The following N4BP1 variants were observed in gnomAD, a reference collection of about 807,000 sequenced individuals.
N4BP1 encodes NEDD4-binding protein 1.
A neutral mutation model predicts 70.9 loss-of-function variants in N4BP1; 21 were observed. The observed-to-expected ratio is 0.30, with a 90% CI of 0.21 to 0.43. The LOEUF (loss-of-function observed/expected upper bound fraction) is 0.43, where lower values mean the gene tolerates loss of function less well. Among genes scored for constraint, N4BP1 ranks in the 20% least tolerant of loss-of-function variants. The pLI is 1.00. For missense variants in N4BP1, 936 were observed against 1,069.4 expected (o/e 0.88, Z 1.74); for synonymous variants, 387 against 394.6 (o/e 0.98, Z 0.23).
At chr16:48,582,413 A>G (rs1408207272) in intron 1 of N4BP1, among the ~76,000 whole-genome samples, 1 of 152,214 alleles carries the variant, frequency 6.6e-6, no homozygotes, top group African/African-American at 2.4e-5. Flanking sequence ...CTTGGTTATC[A>G]GATCGACTGT....
intron 1 of N4BP1, among the ~76,000 whole-genome samples, chr16:48,608,006 C>A (rs370406026): frequency 6.6e-6 from 1 of 152,144 alleles, no homozygotes; most frequent in South Asian, 2.1e-4. Context: ...GGCCTACAGG[C>A]GCGTACCACC....
intron 1 of N4BP1, among the ~76,000 whole-genome samples, chr16:48,603,209 C>T (rs1296532401): frequency 6.6e-6 from 1 of 152,104 alleles, no homozygotes; most frequent in African/African-American, 2.4e-5. Flanking sequence ...TCTTAAACAC[C>T]CTTTTTCTCA....
chr16:48,590,348 G>A (rs535748709), intron 1 of N4BP1, among the ~76,000 whole-genome samples: 2 of 152,304 alleles, frequency 1.3e-5, no homozygotes, highest in African/African-American at 4.8e-5. Context: ...AACGCTGGGG[G>A]AGAGGGTTTT....
rs566375843 is a variant in N4BP1 at position 48,548,866 on chromosome 16, G to A, written c.2118-752C>T. On this transcript the variant is annotated intron_variant, in intron 4 of 6. Transcript: ENST00000262384. ...AAAAAAAAAAAAAAAAAATTCATAG[G>A]TTCACACTGCTCTGATTTAAAAAGA... Among the ~76,000 whole-genome samples, 7 of 151,552 alleles carry A rather than the reference G, an allele frequency of 4.6e-5. No individual in the cohort carries two copies. The East Asian group carries it at 1.2e-3, about 25-fold the overall frequency.
chr16:48,607,954 C>T (rs1436296144), intron 1 of N4BP1, among the ~76,000 whole-genome samples: 1 of 152,144 alleles, frequency 6.6e-6, no homozygotes, highest in Non-Finnish European at 1.5e-5. Context: ...ACCTGCCTTC[C>T]GGGTTCAAGC....
At chr16:48,556,210 C>T (rs549287639) in intron 2 of N4BP1, among the ~76,000 whole-genome samples, 1 of 152,116 alleles carries the variant, frequency 6.6e-6, no homozygotes, top group Non-Finnish European at 1.5e-5. Context: ...AATAGAGGTT[C>T]AAAATTCTGG....
In N4BP1 at chr16:48,561,677, A is replaced by G; in HGVS notation, c.966T>C (p.Ala322=). 6.2e-7 allele frequency: 1 copy of G among 1,613,276 alleles called. No homozygotes were observed. Among genetic ancestry groups the G allele is most frequent in the African/African-American group, 1.3e-5 (1 of 75,056 alleles). ...AATCAGCAGAAGAATCAGATAGGTC[A>G]GCTATTACATTTCCAGCCAATGTCT... The part of the protein sequence containing the change: ...DAKTLAGNVI[A]DLSDSSADSE... Residue 322 remains alanine (A), a synonymous_variant, in exon 2 of 7, where the codon GCT becomes GCC. Transcript: ENST00000262384.
intron 4 of N4BP1, among the ~76,000 whole-genome samples, chr16:48,550,300 G>C (rs956585457): frequency 6.6e-6 from 1 of 151,952 alleles, no homozygotes; most frequent in Non-Finnish European, 1.5e-5. Context: ...ATCATCTGAG[G>C]TCAGGAGTTT....
At chr16:48,596,205 T>G (rs1199734974) in intron 1 of N4BP1, among the ~76,000 whole-genome samples, 1 of 152,080 alleles carries the variant, frequency 6.6e-6, no homozygotes, top group Non-Finnish European at 1.5e-5. Flanking sequence ...TTTTATTTTA[T>G]TTTTTTTCCT....
In N4BP1 at chr16:48,562,288, CAAG is replaced by C; in HGVS notation, c.352_354del (p.Leu118del). 1 of 1,613,930 alleles carries C rather than the reference CAAG, an allele frequency of 6.2e-7. No individual in the cohort carries two copies. The highest frequency in any genetic ancestry group is 8.5e-7 in the Non-Finnish European group (1 of 1,179,870). ...ACAGCCTCAGCACTTCCTCTGATGC[CAAG>C]AAGGCCAATGTCCAGAATGCAGAGG... On this transcript the variant is annotated inframe_deletion, in exon 2 of 7. Coordinates refer to ENST00000262384, the MANE Select transcript of N4BP1 (RefSeq NM_153029.4).
At chr16:48,581,376 C>A (rs1308748555) in intron 1 of N4BP1, among the ~76,000 whole-genome samples, 2 of 151,962 alleles carry the variant, frequency 1.3e-5, no homozygotes, top group African/African-American at 4.8e-5. Flanking sequence ...ACAAAGAAGC[C>A]CGCTCTTTCA....
At chr16:48,599,950 C>T (rs1964472076) in intron 1 of N4BP1, among the ~76,000 whole-genome samples, 1 of 152,074 alleles carries the variant, frequency 6.6e-6, no homozygotes, top group Non-Finnish European at 1.5e-5. Flanking sequence ...GAAAGAAAAC[C>T]CTTATTTTGT....
intron 1 of N4BP1, among the ~76,000 whole-genome samples, chr16:48,586,117 A>G (rs1964242364): frequency 6.6e-6 from 1 of 152,196 alleles, no homozygotes; most frequent in Non-Finnish European, 1.5e-5. Context: ...ACTCTTTAGA[A>G]TATGTGATTA....
At chr16:48,559,762 C>G (rs1240533423) in intron 2 of N4BP1, 2 of 152,224 alleles carry the variant, frequency 1.3e-5, no homozygotes, top group Admixed American at 1.3e-4. Flanking sequence ...ATACTGCCAG[C>G]CCTCATTGCT....
intron 1 of N4BP1, among the ~76,000 whole-genome samples, chr16:48,588,470 T>C (rs1041194518): frequency 1.3e-5 from 2 of 152,044 alleles, no homozygotes; most frequent in South Asian, 4.1e-4. Flanking sequence ...AATTTTTGTA[T>C]TTTTAGTAGA....
In N4BP1 at chr16:48,561,132, A is replaced by C. The variant is rs1963849286; in HGVS notation, c.1511T>G (p.Val504Gly). Residue 504 changes from valine to glycine, a missense_variant, in exon 2 of 7, where the codon GTC becomes GGC. This residue lies in a region of N4BP1 where 515 missense variants were observed against 491.7 expected (regional missense o/e 1.05). Transcript: ENST00000262384. ...PSVASPSPKEVNFVSRGASSH... is the reference protein window; with the variant it reads ...PSVASPSPKEGNFVSRGASSH... Reference sequence around the variant, plus strand: ...TGAAGCTCCCCTTGAAACAAAATTGACTTCTTTGGGACTTGGAGAGGCAAC... The same window carrying C: ...TGAAGCTCCCCTTGAAACAAAATTGCCTTCTTTGGGACTTGGAGAGGCAAC... 1 of 1,613,970 alleles carries C rather than the reference A, an allele frequency of 6.2e-7. No homozygotes were observed. The highest frequency in any genetic ancestry group is 8.5e-7 in the Non-Finnish European group (1 of 1,179,864).
chr16:48,561,455 T>C lies in N4BP1; in HGVS notation c.1188A>G (p.Glu396=), dbSNP rs1567431600. 3.0e-5 allele frequency: 48 copies of C among 1,611,966 alleles called. No individual in the cohort carries two copies. The highest frequency in any genetic ancestry group is 4.0e-5 in the Non-Finnish European group (47 of 1,179,462). ...KENKRFQEDR[E]FSAGTVYPET... ...CTGGATACACTGTACCAGCTGAAAA[T>C]TCTCTGTCTTCTTGGAATCTTTTAT... is the stretch of plus-strand genomic sequence containing the variant. Residue 396 remains glutamate (E), a synonymous_variant, in exon 2 of 7, where the codon GAA becomes GAG. Transcript: ENST00000262384.
chr16:48,543,500 C>T (rs1041527915), intron 6 of N4BP1, among the ~76,000 whole-genome samples: 4 of 152,116 alleles, frequency 2.6e-5, no homozygotes, highest in Non-Finnish European at 4.4e-5. Context: ...TATGAGGGAG[C>T]ACCACCCTCC....
At position 48,607,350 on chromosome 16, in the gene N4BP1, A is replaced by C. The variant is rs184141009; in HGVS notation, c.198+2425T>G. Among the ~76,000 whole-genome samples, 5 of 152,344 alleles carry C rather than the reference A, an allele frequency of 3.3e-5. No homozygotes were observed. In the East Asian group the frequency reaches 9.6e-4, roughly 29 times the overall value. On this transcript the variant is annotated intron_variant, in intron 1 of 6. Transcript: ENST00000262384. ...CCAGAGGAGGCAGAACGCACAGCAA[A>C]GGCAGAGACTACTACAGTGGAGATT... is the stretch of plus-strand genomic sequence containing the variant.
Sources: gnomAD v4.1 joint callset for allele counts (sites outside exome capture counted in the v4.1 genomes callset) on GRCh38, gnomAD v4.1.1 for gene constraint, gnomAD v4.1.1 regional missense constraint, MANE v1.5 for transcripts, NCBI Gene and HGNC (gene_info 2026-07-23, HGNC 2026-07-21) for gene names.